The following ATG5 variants were observed in gnomAD, a reference collection of about 807,000 sequenced individuals.
The protein encoded by ATG5 is autophagy protein 5.
A neutral mutation model predicts 36.5 loss-of-function variants in ATG5; 14 were observed. The observed-to-expected ratio is 0.38, with a 90% CI of 0.25 to 0.60. ATG5 has a LOEUF of 0.60. ATG5 is among the 20% of genes least tolerant of loss of function. The pLI, the probability that ATG5 is intolerant of heterozygous loss-of-function variation, is 0.60. For synonymous variants in ATG5, 95 were observed against 101.5 expected (o/e 0.94, Z 0.38); for missense variants, 195 against 326.7 (o/e 0.60, Z 3.11).
At chr6:106,247,527 A>T (rs1468919576) in intron 6 of ATG5, among the ~76,000 whole-genome samples, 5 of 152,178 alleles carry the variant, frequency 3.3e-5, no homozygotes, top group African/African-American at 7.2e-5. Context: ...TCTGTTCTAT[A>T]AGGTTACCAC....
intron 1 of ATG5, among the ~76,000 whole-genome samples, chr6:106,323,476 T>A (rs1209790423): frequency 1.3e-5 from 2 of 151,866 alleles, no homozygotes; most frequent in African/African-American, 4.8e-5. Context: ...GGTCTCGTTA[T>A]GTCGCCCAGG....
intron 6 of ATG5, among the ~76,000 whole-genome samples, chr6:106,206,298 A>G (rs957561008): frequency 6.6e-6 from 1 of 152,186 alleles, no homozygotes; most frequent in Non-Finnish European, 1.5e-5. Flanking sequence ...CTAACTCTGA[A>G]GCAGAGAGCA....
At chr6:106,292,878 A>C (rs965087825) in intron 4 of ATG5, 150 bp downstream of exon 4, 1 of 582,022 alleles carries the variant, frequency 1.7e-6, no homozygotes, top group African/African-American at 1.9e-5. Context: ...ATTGAAAAGT[A>C]TCTTATAGAC....
chr6:106,221,617 T>A (rs1237634672), intron 6 of ATG5, among the ~76,000 whole-genome samples: 1 of 142,950 alleles, frequency 7.0e-6, no homozygotes, highest in Non-Finnish European at 1.5e-5. Context: ...GCCTGGGAGA[T>A]CAAAGCTGCA....
chr6:106,279,980 C>T (rs1321108411), intron 4 of ATG5, among the ~76,000 whole-genome samples, 157 bp from the exon 5 acceptor site: 2 of 151,990 alleles, frequency 1.3e-5, no homozygotes, highest in Non-Finnish European at 2.9e-5. Context: ...ACTTAAAAAT[C>T]TTTAGCTATT....
intron 6 of ATG5, among the ~76,000 whole-genome samples, chr6:106,238,871 A>G (rs1444279601): frequency 2.0e-5 from 3 of 152,212 alleles, no homozygotes; most frequent in South Asian, 4.1e-4. Flanking sequence ...GGGAAGGTCA[A>G]CGTTATGGAA....
At chr6:106,272,953 G>A (rs1779509903) in intron 5 of ATG5, among the ~76,000 whole-genome samples, 1 of 152,088 alleles carries the variant, frequency 6.6e-6, no homozygotes, top group Non-Finnish European at 1.5e-5. Context: ...ATGAAACAAG[G>A]CTGGCCATAT....
At chr6:106,196,097 A>T (rs1380904831) in intron 7 of ATG5, among the ~76,000 whole-genome samples, 1 of 152,200 alleles carries the variant, frequency 6.6e-6, no homozygotes, top group Non-Finnish European at 1.5e-5. Flanking sequence ...AAAATTCAAC[A>T]AGAGTGGTCA....
intron 3 of ATG5, among the ~76,000 whole-genome samples, chr6:106,299,641 TTTTG>T (rs1413695636): frequency 2.6e-5 from 4 of 152,252 alleles, no homozygotes; most frequent in Non-Finnish European, 5.9e-5. Context: ...TTTCTTTGCT[TTTTG>T]TTTTTTATTC....
At chr6:106,218,593 A>C (rs1449694005) in intron 6 of ATG5, among the ~76,000 whole-genome samples, 11 of 152,170 alleles carry the variant, frequency 7.2e-5, no homozygotes, top group Non-Finnish European at 1.5e-4. Context: ...ATCAGAGTTC[A>C]AGTTACACTT....
At chr6:106,281,189 A>C (rs1359140906) in intron 4 of ATG5, among the ~76,000 whole-genome samples, 2 of 152,174 alleles carry the variant, frequency 1.3e-5, no homozygotes. Context: ...CATCTCTCTC[A>C]ATAAACTTTT....
chr6:106,265,202 C>T (rs1186135830), intron 5 of ATG5, among the ~76,000 whole-genome samples: 1 of 148,758 alleles, frequency 6.7e-6, no homozygotes, highest in African/African-American at 2.5e-5. Context: ...GGGTTGCAAT[C>T]CTAGTCCCTG....
chr6:106,310,640 T>A (rs1770611588), intron 2 of ATG5, among the ~76,000 whole-genome samples: 1 of 152,144 alleles, frequency 6.6e-6, no homozygotes, highest in Non-Finnish European at 1.5e-5. Flanking sequence ...ACATTCACTA[T>A]CCATCTCCAG....
chr6:106,305,039 C>T (rs1327592845), intron 3 of ATG5, among the ~76,000 whole-genome samples: 1 of 149,378 alleles, frequency 6.7e-6, no homozygotes, highest in Admixed American at 6.7e-5. Context: ...TGCAGTGAGC[C>T]GAAATCATGC....
chr6:106,226,022 T>C (rs1346691003), intron 6 of ATG5, among the ~76,000 whole-genome samples: 1 of 152,188 alleles, frequency 6.6e-6, no homozygotes, highest in Non-Finnish European at 1.5e-5. Flanking sequence ...ACGAAGGCCC[T>C]AAACTCTCAC....
chr6:106,311,613 C>A (rs1770648051), intron 2 of ATG5, among the ~76,000 whole-genome samples: 1 of 152,132 alleles, frequency 6.6e-6, no homozygotes, highest in African/African-American at 2.4e-5. Context: ...AGAGTTAAGA[C>A]AGAATAGTGC....
At chr6:106,229,792 G>T (rs535547402) in intron 6 of ATG5, among the ~76,000 whole-genome samples, 2 of 152,104 alleles carry the variant, frequency 1.3e-5, no homozygotes, top group Non-Finnish European at 2.9e-5. Context: ...AATCTGTAGC[G>T]GCAACTGCTT....
At chr6:106,246,400 A>T (rs879829021) in intron 6 of ATG5, among the ~76,000 whole-genome samples, 23,394 of 136,718 alleles carry the variant, frequency 0.17, 2,149 homozygotes, top group African/African-American at 0.28. Flanking sequence ...TCTCACACAC[A>T]CACACACACA....
intron 5 of ATG5, among the ~76,000 whole-genome samples, chr6:106,251,301 A>G (rs951069488): frequency 1.3e-5 from 2 of 152,128 alleles, no homozygotes; most frequent in African/African-American, 4.8e-5. Context: ...TACTAATTCA[A>G]TGAGCTGAAT....
Sources: gnomAD v4.1 joint callset for allele counts (sites outside exome capture counted in the v4.1 genomes callset) on GRCh38, gnomAD v4.1.1 for gene constraint, MANE v1.5 for transcripts, NCBI Gene and HGNC (gene_info 2026-07-23, HGNC 2026-07-21) for gene names.